The following XKR6 variants were observed in gnomAD, a reference collection of about 807,000 sequenced individuals.
The protein encoded by XKR6 is XK-related protein 6.
A neutral mutation model predicts 56.7 loss-of-function variants in XKR6; 22 were observed. That is an observed-to-expected ratio of 0.39 (90% CI 0.28 to 0.55). The LOEUF is 0.55. XKR6 is among the 20% of genes least tolerant of loss of function. The pLI is 0.66. For synonymous variants in XKR6, 524 were observed against 387.8 expected (o/e 1.35, Z -4.13); for missense variants, 852 against 889.0 (o/e 0.96, Z 0.53).
intron 1 of XKR6, among the ~76,000 whole-genome samples, chr8:10,932,466 G>T (rs1298348232): frequency 6.9e-6 from 1 of 145,072 alleles, no homozygotes; most frequent in African/African-American, 2.6e-5. Flanking sequence ...GGGTACATGT[G>T]CACATCGTGC....
intron 2 of XKR6, among the ~76,000 whole-genome samples, chr8:10,902,565 A>G (rs1211425629): frequency 1.3e-5 from 2 of 152,300 alleles, no homozygotes; most frequent in East Asian, 3.9e-4. Flanking sequence ...ACCTTTCTCA[A>G]GATCCTTTGT....
intron 1 of XKR6, among the ~76,000 whole-genome samples, chr8:11,182,405 A>G (rs1428832378): frequency 2.6e-5 from 4 of 152,212 alleles, no homozygotes; most frequent in Non-Finnish European, 4.4e-5. Flanking sequence ...ACCAGGACTA[A>G]CTTTGTACCT....
At chr8:10,968,469 G>A (rs902613931) in intron 1 of XKR6, among the ~76,000 whole-genome samples, 1 of 152,220 alleles carries the variant, frequency 6.6e-6, no homozygotes, top group Non-Finnish European at 1.5e-5. Context: ...GGCCCCCTTC[G>A]GTTGAGTTGA....
chr8:11,150,004 T>G (rs141606737), intron 1 of XKR6, among the ~76,000 whole-genome samples: 1 of 152,178 alleles, frequency 6.6e-6, no homozygotes, highest in Non-Finnish European at 1.5e-5. Flanking sequence ...TGTACTCACA[T>G]GTGGGAGCTA....
chr8:11,184,946 T>C (rs79256879), intron 1 of XKR6, among the ~76,000 whole-genome samples: 9,213 of 152,300 alleles, frequency 0.06, 304 homozygotes, highest in Middle Eastern at 0.088. Context: ...CATCGTTTCA[T>C]TGACCATCAT....
intron 1 of XKR6, among the ~76,000 whole-genome samples, chr8:11,116,915 G>C (rs1264054704): frequency 6.6e-6 from 1 of 152,068 alleles, no homozygotes; most frequent in Non-Finnish European, 1.5e-5. Context: ...ATAAAATAAG[G>C]AGGCTGAATC....
At chr8:10,922,648 AG>A (rs986137043) in intron 2 of XKR6, among the ~76,000 whole-genome samples, 6 of 152,200 alleles carry the variant, frequency 3.9e-5, no homozygotes, top group Non-Finnish European at 5.9e-5. Flanking sequence ...CCTGTGAGGC[AG>A]GGACTCCCAT....
chr8:11,129,173 A>T, intron 1 of XKR6: 1 of 356,710 alleles, frequency 2.8e-6, no homozygotes, highest in South Asian at 2.1e-5. Context: ...TTGCAACTAG[A>T]CAGAGGTGAT....
At chr8:11,018,158 T>TCCCCCCC (rs199671988) in intron 1 of XKR6, among the ~76,000 whole-genome samples, 1 of 142,518 alleles carries the variant, frequency 7.0e-6, no homozygotes, top group African/African-American at 2.6e-5. Flanking sequence ...CTGACCTGAA[T>TCCCCCCC]CCCCCCCACC....
intron 2 of XKR6, among the ~76,000 whole-genome samples, chr8:10,899,651 G>C (rs79557036): frequency 0.02 from 3,018 of 152,240 alleles, 87 homozygotes; most frequent in African/African-American, 0.069. Flanking sequence ...GACTTTTGAA[G>C]CTCTGTCCTT....
At chr8:11,039,944 A>T (rs1799243803) in intron 1 of XKR6, among the ~76,000 whole-genome samples, 1 of 152,196 alleles carries the variant, frequency 6.6e-6, no homozygotes, top group Admixed American at 6.5e-5. Flanking sequence ...TAACTCGTTA[A>T]CTGCTAAGGT....
At chr8:10,948,401 G>A (rs1483540103) in intron 1 of XKR6, among the ~76,000 whole-genome samples, 2 of 152,220 alleles carry the variant, frequency 1.3e-5, no homozygotes, top group Non-Finnish European at 2.9e-5. Flanking sequence ...ACCTCTGCCA[G>A]CTGAGAAGGC....
At chr8:10,943,139 A>G (rs1043532297) in intron 1 of XKR6, among the ~76,000 whole-genome samples, 1 of 152,178 alleles carries the variant, frequency 6.6e-6, no homozygotes, top group Non-Finnish European at 1.5e-5. Context: ...TCCTGGGATC[A>G]TAGCTCAGGA....
At chr8:10,906,234 A>T (rs1356399372) in intron 2 of XKR6, among the ~76,000 whole-genome samples, 1 of 152,216 alleles carries the variant, frequency 6.6e-6, no homozygotes, top group Non-Finnish European at 1.5e-5. Context: ...AAATGGTACA[A>T]ACCAGAGCTC....
chr8:10,999,076 C>T (rs529372552), intron 1 of XKR6, among the ~76,000 whole-genome samples: 15 of 152,290 alleles, frequency 9.8e-5, no homozygotes, highest in African/African-American at 2.9e-4. Flanking sequence ...CTTACAAAAA[C>T]GTTTGTTTTC....
At chr8:11,128,231 C>T (rs989784249) in intron 1 of XKR6, among the ~76,000 whole-genome samples, 1 of 152,166 alleles carries the variant, frequency 6.6e-6, no homozygotes, top group Non-Finnish European at 1.5e-5. Flanking sequence ...GCCAGACCTT[C>T]GCACTCCCCT....
rs545480641 is a variant in XKR6 at position 11,163,256 on chromosome 8, T to C, written c.764+37320A>G. 1.9e-4 allele frequency among the ~76,000 whole-genome samples: 29 copies of C among 152,334 alleles called. No homozygotes were observed. In the South Asian group the frequency reaches 5.0e-3, roughly 26 times the overall value. ...TTTAAACATGAGCAGATTTTAAACA[T>C]ATAGTTTTGCATAAAGTATAAGCAT... On this transcript the variant is annotated intron_variant, in intron 1 of 2. Transcript: ENST00000416569.
chr8:10,922,973 G>A (rs1800766097), intron 2 of XKR6, among the ~76,000 whole-genome samples: 1 of 152,196 alleles, frequency 6.6e-6, no homozygotes, highest in East Asian at 1.9e-4. Context: ...GGCACCAGCT[G>A]GGCTGTCACT....
intron 1 of XKR6, among the ~76,000 whole-genome samples, chr8:11,185,415 T>C (rs1803219935): frequency 6.6e-6 from 1 of 152,240 alleles, no homozygotes; most frequent in Non-Finnish European, 1.5e-5. Context: ...CTGGTTTCCA[T>C]ATACGTAGTT....
Sources: allele counts gnomAD v4.1 joint callset (sites outside exome capture counted in the v4.1 genomes callset), GRCh38; gene constraint gnomAD v4.1.1; transcripts MANE v1.5; gene names NCBI Gene and HGNC (gene_info 2026-07-23, HGNC 2026-07-21).